The following DLGAP2 variants were observed in gnomAD, a reference collection of about 807,000 sequenced individuals.
DLGAP2 encodes the protein disks large-associated protein 2.
DLGAP2 carries 26 observed loss-of-function variants against 100.3 expected under a neutral mutation model. That is an observed-to-expected ratio of 0.26 (90% CI 0.19 to 0.36). The LOEUF (loss-of-function observed/expected upper bound fraction) is 0.36. DLGAP2 is among the 10% of genes least tolerant of loss of function. DLGAP2 has a pLI of 1.00. For missense variants in DLGAP2, 1,858 were observed against 1,453.2 expected, an observed-to-expected ratio of 1.28 and a Z score of -4.53; for synonymous variants, 886 against 630.1, an observed-to-expected ratio of 1.41 and a Z score of -6.08.
At chr8:1,249,458 A>G (rs906888656) in intron 2 of DLGAP2, among the ~76,000 whole-genome samples, 1 of 152,232 alleles carries the variant, frequency 6.6e-6, no homozygotes. Context: ...GCTCTTATCT[A>G]TTTCTCATGT....
chr8:1,139,105 C>T (rs1017495014), intron 2 of DLGAP2, among the ~76,000 whole-genome samples: 8 of 152,244 alleles, frequency 5.3e-5, no homozygotes, highest in Admixed American at 2.6e-4. Context: ...CGGGTGATGA[C>T]TGTTTCCTGA....
At position 954,327 on chromosome 8, in the gene DLGAP2, T is replaced by C. The variant is rs531711569; in HGVS notation, c.73+46361T>C. 1.4e-4 allele frequency among the ~76,000 whole-genome samples: 22 copies of C among 152,334 alleles called. No individual in the cohort carries two copies. The East Asian group carries it at 4.2e-3, about 29-fold the overall frequency. ...CTGTTCATCTATAAGTGAAAATTTGTATTACCCTTTGACATTTCTCCATCC... is the reference window on the plus strand; with the variant it reads ...CTGTTCATCTATAAGTGAAAATTTGCATTACCCTTTGACATTTCTCCATCC... On this transcript the variant is annotated intron_variant, in intron 2 of 14. Coordinates refer to ENST00000637795, the MANE Select transcript of DLGAP2 (RefSeq NM_001346810.2).
chr8:1,616,708 C>T (rs1028097056), intron 6 of DLGAP2, among the ~76,000 whole-genome samples: 1 of 152,184 alleles, frequency 6.6e-6, no homozygotes, highest in African/African-American at 2.4e-5. Flanking sequence ...CTATTTTTAA[C>T]TTAAATACAT....
chr8:1,387,325 A>C (rs1017539327), intron 3 of DLGAP2, among the ~76,000 whole-genome samples: 5 of 152,198 alleles, frequency 3.3e-5, no homozygotes, highest in Admixed American at 1.3e-4. Flanking sequence ...TATAAAGATG[A>C]AATTTGGAAT....
intron 2 of DLGAP2, among the ~76,000 whole-genome samples, chr8:1,148,797 G>C (rs767074597): frequency 2.0e-5 from 3 of 152,024 alleles, no homozygotes; most frequent in African/African-American, 7.2e-5. Flanking sequence ...TGTATTTTAC[G>C]TATTTCAATT....
At chr8:952,993 G>A (rs528212208) in intron 2 of DLGAP2, among the ~76,000 whole-genome samples, 48 of 152,234 alleles carry the variant, frequency 3.2e-4, no homozygotes, top group African/African-American at 1.1e-3. Context: ...TGAGATTATA[G>A]CATCATGCAC....
chr8:916,586 A>G (rs1021738915), intron 2 of DLGAP2, among the ~76,000 whole-genome samples: 9 of 152,232 alleles, frequency 5.9e-5, no homozygotes, highest in African/African-American at 1.4e-4. Context: ...CAGCACACCA[A>G]CATGGCACAT....
chr8:1,045,279 A>C (rs533044597), intron 2 of DLGAP2, among the ~76,000 whole-genome samples: 23 of 152,254 alleles, frequency 1.5e-4, no homozygotes, highest in Non-Finnish European at 3.1e-4. Context: ...GGTTGTCAGC[A>C]TTAAATGAGT....
chr8:1,511,825 G>T (rs374646882), intron 4 of DLGAP2, among the ~76,000 whole-genome samples: 3 of 121,082 alleles, frequency 2.5e-5, no homozygotes, highest in South Asian at 3.9e-4. Flanking sequence ...GGGCTGTCTA[G>T]TGTAAGACAA....
intron 2 of DLGAP2, among the ~76,000 whole-genome samples, chr8:1,241,724 A>T (rs1284237209): frequency 6.9e-6 from 1 of 144,496 alleles, no homozygotes; most frequent in Non-Finnish European, 1.5e-5. Context: ...GATTTTAACC[A>T]GCAAAACATA....
chr8:1,078,405 C>T (rs895502218), intron 2 of DLGAP2, among the ~76,000 whole-genome samples: 1 of 152,176 alleles, frequency 6.6e-6, no homozygotes. Context: ...AGTATTGATC[C>T]ATGATTATTG....
chr8:1,427,676 T>C (rs551690723), intron 3 of DLGAP2, among the ~76,000 whole-genome samples: 2 of 152,320 alleles, frequency 1.3e-5, no homozygotes, highest in East Asian at 3.9e-4. Context: ...TGAGATCTGA[T>C]GGTTTTAAAA....
rs145459076 is a variant in DLGAP2 at position 1,270,381 on chromosome 8, C to T, written c.106+11498C>T. 8.9e-4 allele frequency among the ~76,000 whole-genome samples: 136 copies of T among 152,318 alleles called. No homozygotes were observed. The East Asian group carries it at 0.019, about 21-fold the overall frequency. ...GGGGAGAATGAATGTGACTTTTGATCGTCACAGCCTCATTGACTTATAGGA... is the reference window on the plus strand; with the variant it reads ...GGGGAGAATGAATGTGACTTTTGATTGTCACAGCCTCATTGACTTATAGGA... On this transcript the variant is annotated intron_variant, in intron 3 of 14. Transcript: ENST00000637795.
intron 2 of DLGAP2, among the ~76,000 whole-genome samples, chr8:1,042,312 A>G (rs1293484629): frequency 1.3e-5 from 2 of 152,166 alleles, no homozygotes; most frequent in Non-Finnish European, 1.5e-5. Context: ...TGAGGGAGAA[A>G]ATCAACAACG....
At chr8:1,577,708 C>A (rs922662529) in intron 6 of DLGAP2, among the ~76,000 whole-genome samples, 7 of 152,136 alleles carry the variant, frequency 4.6e-5, no homozygotes, top group African/African-American at 1.4e-4. Flanking sequence ...GGACAGGTGT[C>A]AAGAGCAGCC....
intron 2 of DLGAP2, among the ~76,000 whole-genome samples, chr8:1,252,780 C>T (rs1189124946): frequency 6.6e-6 from 1 of 152,258 alleles, no homozygotes; most frequent in African/African-American, 2.4e-5. Context: ...GATGTGGTGC[C>T]TCCAGGTGGC....
chr8:837,248 G>A (rs1036012225), intron 1 of DLGAP2, among the ~76,000 whole-genome samples: 3 of 152,216 alleles, frequency 2.0e-5, no homozygotes, highest in Non-Finnish European at 4.4e-5. Flanking sequence ...CCTGGTGTTC[G>A]AGGCAGCCTG....
intron 3 of DLGAP2, among the ~76,000 whole-genome samples, chr8:1,455,594 G>T (rs961573701): frequency 2.0e-5 from 3 of 152,244 alleles, no homozygotes; most frequent in African/African-American, 7.2e-5. Context: ...CTCGGTGGAG[G>T]CGGAGCGCAC....
At chr8:1,256,567 C>CTGTGTGTGTGTCCTCTCCTGCCT (rs1799224988) in intron 2 of DLGAP2, among the ~76,000 whole-genome samples, 3 of 130,608 alleles carry the variant, frequency 2.3e-5, no homozygotes, top group Admixed American at 2.2e-4. Flanking sequence ...CTTTCCTGCC[C>CTGTGTGTGTGTCCTCTCCTGCCT]GGGTGCTGTG....
Sources: allele counts gnomAD v4.1 joint callset (sites outside exome capture counted in the v4.1 genomes callset), GRCh38; gene constraint gnomAD v4.1.1; transcripts MANE v1.5; gene names NCBI Gene and HGNC (gene_info 2026-07-23, HGNC 2026-07-21).